CLK1: variants seen among roughly 807,000 people sequenced by gnomAD.
CLK1 encodes the protein dual specificity protein kinase CLK1.
Under a neutral mutation model 60.9 loss-of-function variants are expected in CLK1, and 40 were observed. The observed-to-expected ratio is 0.66, with a 90% CI of 0.51 to 0.86. The LOEUF (loss-of-function observed/expected upper bound fraction) is 0.86, where lower values mean the gene tolerates loss of function less well. CLK1 is among the 40% of genes least tolerant of loss of function. CLK1 has a pLI of 0.00. For missense variants in CLK1, 563 were observed against 606.1 expected (o/e 0.93, Z 0.75); for synonymous variants, 203 against 184.4 (o/e 1.10, Z -0.82).
chr2:200,861,204 T>A, intron 3 of CLK1, 34 bp downstream of exon 3: 1 of 1,602,082 alleles, frequency 6.2e-7, no homozygotes, highest in South Asian at 1.1e-5. Context: ...ACATGGGATA[T>A]AAAATTTCCA....
At chr2:200,861,952 G>T in intron 1 of CLK1, 90 bp from the exon 2 acceptor site, 1 of 1,006,120 alleles carries the variant, frequency 9.9e-7, no homozygotes, top group Non-Finnish European at 1.5e-6. Context: ...TCGTGACCTC[G>T]TTTTAAGACC....
At position 200,853,073 on chromosome 2, in the gene CLK1, A is replaced by G. The variant is rs569623923; in HGVS notation, c.*233T>C. 15 of 358,636 alleles carry G rather than the reference A, an allele frequency of 4.2e-5. No individual in the cohort carries two copies. Among genetic ancestry groups the G allele is most frequent in the African/African-American group, 2.7e-4 (13 of 47,492 alleles). 22.2% of individuals were successfully genotyped at this position (358,636 alleles called of 1,614,324 possible). A position where few individuals can be genotyped will look rare whatever the true frequency, so the allele number is the denominator to read the frequency against. On this transcript the variant is annotated 3_prime_UTR_variant, in exon 13 of 13. Coordinates refer to ENST00000321356, the MANE Select transcript of CLK1 (RefSeq NM_004071.4). ...TACTTAGAACAAACTGTTCAGATAC[A>G]TATCAACTTCATAAGCACAAAAAAT...
At chr2:200,862,061 C>T (rs2105742319) in intron 1 of CLK1, among the ~76,000 whole-genome samples, 199 bp from the exon 2 acceptor site, 1 of 150,674 alleles carries the variant, frequency 6.6e-6, no homozygotes, top group South Asian at 2.1e-4. Context: ...CACAGGCACT[C>T]TGCATTAGCC....
In CLK1 at chr2:200,859,536, C is replaced by T. The variant is rs2039100494; in HGVS notation, c.548+144G>A. 7 of 555,004 alleles carry T rather than the reference C, an allele frequency of 1.3e-5. No homozygotes were observed. The Middle Eastern group carries it at 1.0e-3, about 82-fold the overall frequency. 34.4% of individuals were successfully genotyped at this position (555,004 alleles called of 1,614,324 possible). A position where few individuals can be genotyped will look rare whatever the true frequency, so the allele number is the denominator to read the frequency against. On this transcript the variant is annotated intron_variant, in intron 5 of 12. Transcript: ENST00000321356. ...TTTAAAAAATATGAAGGGGCAAGTA[C>T]CTCTTAACTGGAAGTGTCTTACATC...
intron 9 of CLK1, among the ~76,000 whole-genome samples, chr2:200,855,941 A>G (rs1190285077): frequency 6.7e-6 from 1 of 148,436 alleles, no homozygotes; most frequent in East Asian, 2.1e-4. Context: ...CCCAGGAGGC[A>G]GAAGTTGCAG....
intron 1 of CLK1, 52 bp from the exon 2 acceptor site, chr2:200,861,914 T>C: frequency 6.5e-7 from 1 of 1,539,010 alleles, no homozygotes; most frequent in Non-Finnish European, 8.9e-7. Context: ...CACTGAGCTG[T>C]TTAAAATTCG....
chr2:200,861,588 A>C, intron 2 of CLK1, 114 bp downstream of exon 2: 1 of 1,558,500 alleles, frequency 6.4e-7, no homozygotes, highest in South Asian at 1.2e-5. Flanking sequence ...ACAAACCATC[A>C]AAATCTCTCA....
In CLK1 at chr2:200,854,478, T is replaced by C. The variant is rs534369324; in HGVS notation, c.1220+138A>G. ...GTGAACCCAGGAGGGAGAGCTTGCATTGAGCCGAGGTCACGCCACTGCACT... is the reference window on the plus strand; with the variant it reads ...GTGAACCCAGGAGGGAGAGCTTGCACTGAGCCGAGGTCACGCCACTGCACT... On this transcript the variant is annotated intron_variant, in intron 11 of 12. Transcript: ENST00000321356. The C allele has an allele frequency of 8.6e-4, 484 of 565,526 alleles. 4 individuals are homozygous for C. The South Asian group carries it at 9.8e-3, about 11-fold the overall frequency. 35.0% of individuals were successfully genotyped at this position (565,526 alleles called of 1,614,324 possible).
At position 200,853,340 on chromosome 2, in the gene CLK1, T is replaced by G. The variant is rs199566317; in HGVS notation, c.1421A>C (p.His474Pro). The G allele has an allele frequency of 4.3e-6, 7 of 1,612,260 alleles. No individual in the cohort carries two copies. The highest frequency in any genetic ancestry group is 8.5e-7 in the Non-Finnish European group (1 of 1,179,302). ...TTTCTTCAGAAGGTCAAAGAAAGGA[T>G]GCTTTAAGGCTTCTCTGAGAGTAAT... ...KRITLREALK[H>P]PFFDLLKKSI Residue 474 changes from histidine (H) to proline (P), a missense_variant, in exon 13 of 13, where the codon CAT becomes CCT. His to Pro is a moderately conservative substitution (Grantham distance 77). Around this residue, in one of 3 missense-constraint regions of CLK1, gnomAD observed 360 missense variants for 407.0 expected, o/e 0.88. Transcript: ENST00000321356.
At chr2:200,853,556 A>G in intron 12 of CLK1, 107 bp from the exon 13 acceptor site, 2 of 1,083,748 alleles carry the variant, frequency 1.8e-6, no homozygotes, top group Admixed American at 2.7e-5. Context: ...AAAACAGAAA[A>G]GAGGCCAGGC....
In CLK1 at chr2:200,856,962, G is replaced by T. The variant is rs562850576; in HGVS notation, c.856C>A (p.His286Asn). 1.9e-6 allele frequency: 3 copies of T among 1,613,848 alleles called. No individual in the cohort carries two copies. Among genetic ancestry groups the T allele is most frequent in the Non-Finnish European group, 2.5e-6 (3 of 1,179,916 alleles). Residue 286 changes from histidine (H) to asparagine (N), a missense_variant, in exon 8 of 13, where the codon CAC becomes AAC. His to Asn is a moderately conservative substitution (Grantham distance 68). Coordinates refer to ENST00000321356, the MANE Select transcript of CLK1 (RefSeq NM_004071.4). ...ATGTTTTCAGGCTTTAAGTCTGTGT[G>T]AGTCAACTTATTACTGTGCAAAACT... Reference protein sequence around the residue: ...VNFLHSNKLTHTDLKPENILF... With the variant: ...VNFLHSNKLTNTDLKPENILF...
chr2:200,859,360 A>G (rs2039097356), intron 5 of CLK1, among the ~76,000 whole-genome samples: 1 of 152,206 alleles, frequency 6.6e-6, no homozygotes, highest in Non-Finnish European at 1.5e-5. Flanking sequence ...GGATCTTAAC[A>G]TAAAACCAAG....
chr2:200,863,795 A>G (rs1331489408), intron 1 of CLK1, among the ~76,000 whole-genome samples: 1 of 152,106 alleles, frequency 6.6e-6, no homozygotes, highest in African/African-American at 2.4e-5. Flanking sequence ...CGGAGGCTGC[A>G]GTGACTCGAG....
chr2:200,861,163 T>C (rs2039131344), intron 3 of CLK1, 75 bp downstream of exon 3: 3 of 1,546,212 alleles, frequency 1.9e-6, no homozygotes, highest in Non-Finnish European at 2.6e-6. Flanking sequence ...TCTCAAATAA[T>C]CAAACACAAA....
chr2:200,854,054 AG>A, intron 11 of CLK1, 61 bp from the exon 12 acceptor site: 1 of 1,112,980 alleles, frequency 9.0e-7, no homozygotes, highest in South Asian at 1.3e-5. Flanking sequence ...CAGCTAGCAA[AG>A]GTATCAATTA....
intron 1 of CLK1, chr2:200,863,261 T>C (rs1450025731): frequency 1.3e-5 from 2 of 152,198 alleles, no homozygotes; most frequent in African/African-American, 4.8e-5. Flanking sequence ...GTATAATTTT[T>C]AAAGCCCTCC....
chr2:200,857,018 A>T, intron 7 of CLK1, 33 bp from the exon 8 acceptor site: 1 of 1,563,126 alleles, frequency 6.4e-7, no homozygotes, highest in Non-Finnish European at 8.8e-7. Flanking sequence ...TGTAATCAGA[A>T]AACACCAAAC....
intron 3 of CLK1, 67 bp from the exon 4 acceptor site, chr2:200,860,282 C>T (rs748409918): frequency 6.2e-7 from 1 of 1,603,586 alleles, no homozygotes; most frequent in Non-Finnish European, 8.5e-7. Context: ...GAATTCAGGG[C>T]AGAATACGAA....
At chr2:200,855,169 T>TAAAAA in intron 9 of CLK1, 83 bp from the exon 10 acceptor site, 1 of 768,458 alleles carries the variant, frequency 1.3e-6, no homozygotes, top group Non-Finnish European at 2.0e-6. Flanking sequence ...ACTAATACTT[T>TAAAAA]AAAAAAAAAA....
Sources: allele counts gnomAD v4.1 joint callset (sites outside exome capture counted in the v4.1 genomes callset), GRCh38; gene constraint gnomAD v4.1.1; regional missense constraint gnomAD v4.1.1; transcripts MANE v1.5; gene names NCBI Gene and HGNC (gene_info 2026-07-23, HGNC 2026-07-21).